ASRGL1: variants seen among roughly 807,000 people sequenced by gnomAD.
ASRGL1 encodes the protein isoaspartyl peptidase/L-asparaginase.
Under a neutral mutation model 22.4 loss-of-function variants are expected in ASRGL1, and 16 were observed. The observed-to-expected ratio is 0.71, with a 90% CI of 0.48 to 1.08. ASRGL1 has a LOEUF of 1.08. Ranked by LOEUF, ASRGL1 falls within the 50% of genes least tolerant of loss-of-function variation. The pLI, the probability that ASRGL1 is intolerant of heterozygous loss-of-function variation, is 0.00. For missense variants in ASRGL1, 412 were observed against 410.1 expected, an observed-to-expected ratio of 1.00 and a Z score of -0.04; for synonymous variants, 165 against 159.3, an observed-to-expected ratio of 1.04 and a Z score of -0.27.
intron 4 of ASRGL1, among the ~76,000 whole-genome samples, chr11:62,362,813 TACACAC>T (rs57501048): frequency 3.6e-4 from 30 of 83,850 alleles, no homozygotes; most frequent in East Asian, 1.4e-3. Flanking sequence ...TTATCTGACA[TACACAC>T]ACACACACAC....
intron 2 of ASRGL1, among the ~76,000 whole-genome samples, chr11:62,340,474 A>G (rs943087100): frequency 1.3e-5 from 2 of 152,126 alleles, no homozygotes; most frequent in Admixed American, 1.3e-4. Context: ...ACTTATTTAC[A>G]CAGGACCTTC....
intron 4 of ASRGL1, among the ~76,000 whole-genome samples, chr11:62,367,257 G>A (rs1333845291): frequency 6.6e-6 from 1 of 152,006 alleles, no homozygotes; most frequent in East Asian, 1.9e-4. Context: ...AGAATGGCAT[G>A]AACCCGGGAG....
intron 4 of ASRGL1, among the ~76,000 whole-genome samples, chr11:62,380,505 A>G (rs1308420004): frequency 6.6e-6 from 1 of 152,132 alleles, no homozygotes; most frequent in Non-Finnish European, 1.5e-5. Context: ...TAGTGCTCCA[A>G]TTTTGACCTT....
chr11:62,377,436 G>A (rs953886641), intron 4 of ASRGL1, among the ~76,000 whole-genome samples: 2 of 152,154 alleles, frequency 1.3e-5, no homozygotes, highest in African/African-American at 4.8e-5. Flanking sequence ...ACACTGTAAA[G>A]ACTGCAACCA....
At chr11:62,375,481 T>TATATATATATATATA (rs1565169625) in intron 4 of ASRGL1, among the ~76,000 whole-genome samples, 1 of 84,714 alleles carries the variant, frequency 1.2e-5, no homozygotes, top group Non-Finnish European at 2.7e-5. Flanking sequence ...TATATATATA[T>TATATATATATATATA]TTCTTGGAGT....
In ASRGL1 at chr11:62,392,145, G is replaced by T; in HGVS notation, c.788G>T (p.Gly263Val). 6.2e-7 allele frequency: 1 copy of T among 1,614,220 alleles called. No individual in the cohort carries two copies. Among genetic ancestry groups the T allele is most frequent in the Non-Finnish European group, 8.5e-7 (1 of 1,180,048 alleles). Reference protein sequence around the residue: ...GYMKSRVKGLGGLIVVSKTGD... With the variant: ...GYMKSRVKGLVGLIVVSKTGD... ...ATGAAGTCAAGGGTTAAAGGTTTAG[G>T]TGGCCTCATCGTGGTTAGCAAAACA... The change falls in exon 7 of 7, where the codon GGT becomes GTT. Residue 263 changes from glycine to valine, a missense_variant. Gly to Val is a moderately radical substitution (Grantham distance 109, BLOSUM62 -3). Transcript: ENST00000415229.
chr11:62,395,258 T>C (rs1947417880), downstream of ASRGL1, among the ~76,000 whole-genome samples: 1 of 152,046 alleles, frequency 6.6e-6, no homozygotes, highest in Non-Finnish European at 1.5e-5. Context: ...GGATGCCAGA[T>C]CCCACGGTGA....
chr11:62,362,583 A>AAATATATAATATATATTATATAT lies in ASRGL1; in HGVS notation c.491+5461_491+5462insTAATATATAATATATATTATATA, dbSNP rs1416419305. On this transcript the variant is annotated intron_variant, in intron 4 of 6. Coordinates refer to ENST00000415229, the MANE Select transcript of ASRGL1 (RefSeq NM_001083926.2). ...TTATTTATATAATATATATTATATA[A>AAATATATAATATATATTATATAT]AATATATAATATATATTATATAAAA... Among the ~76,000 whole-genome samples, 35 of 35,630 alleles carry AAATATATAATATATATTATATAT rather than the reference A, an allele frequency of 9.8e-4. 1 individual carries two copies. Among genetic ancestry groups the AAATATATAATATATATTATATAT allele is most frequent in the Non-Finnish European group, 1.3e-3 (26 of 20,540 alleles). The allele number at this position is 35,630 out of a possible 152,430, so 23.4% of individuals were successfully genotyped here.
chr11:62,346,024 A>G (rs1946011214), intron 2 of ASRGL1, among the ~76,000 whole-genome samples: 1 of 152,166 alleles, frequency 6.6e-6, no homozygotes. Flanking sequence ...GAAGAGTTGC[A>G]TAGGGTGAGG....
At chr11:62,350,704 G>C (rs1382608237) in intron 2 of ASRGL1, among the ~76,000 whole-genome samples, 1 of 152,164 alleles carries the variant, frequency 6.6e-6, no homozygotes, top group African/African-American at 2.4e-5. Flanking sequence ...GCTGAGGCAG[G>C]AGAATTGCTT....
chr11:62,392,351 C>T lies in ASRGL1; in HGVS notation c.*67C>T. The T allele has an allele frequency of 6.4e-7, 1 of 1,555,212 alleles. No individual in the cohort carries two copies. Among genetic ancestry groups the T allele is most frequent in the South Asian group, 1.1e-5 (1 of 89,282 alleles). ...AGTACAGTCTCCTCATGAGACATAG[C>T]CTAATCAATTAGATCTAGAATTGGA... is the stretch of plus-strand genomic sequence containing the variant. On this transcript the variant is annotated 3_prime_UTR_variant, in exon 7 of 7. Coordinates refer to ENST00000415229, the MANE Select transcript of ASRGL1 (RefSeq NM_001083926.2).
rs2134700634 is a variant in ASRGL1, at chr11:62,389,047, C to G, written c.492-86C>G. On this transcript the variant is annotated intron_variant, in intron 4 of 6. Transcript: ENST00000415229. The stretch of plus-strand genomic sequence containing the variant: ...TGCCCCATCAACATATAACATGAAA[C>G]TTTAAGTGGTTTTAAGGTACATTGT... The G allele has an allele frequency of 3.4e-6, 4 of 1,176,464 alleles. No individual in the cohort carries two copies. In the South Asian group the frequency reaches 5.6e-5, roughly 16 times the overall value. 72.9% of individuals were successfully genotyped at this position (1,176,464 alleles called of 1,614,324 possible). A position where few individuals can be genotyped will look rare whatever the true frequency, so the allele number is the denominator to read the frequency against.
chr11:62,389,267 G>A lies in ASRGL1; in HGVS notation c.610+16G>A, dbSNP rs755157675. 2 of 1,597,470 alleles carry A rather than the reference G, an allele frequency of 1.3e-6. No homozygotes were observed. The highest frequency in any genetic ancestry group is 2.7e-5 in the African/African-American group (2 of 74,536). On this transcript the variant is annotated intron_variant, in intron 5 of 6. Coordinates refer to ENST00000415229, the MANE Select transcript of ASRGL1 (RefSeq NM_001083926.2). ...CCGTGTCTAGGTAGGACCAAGGGAT[G>A]CCTCCTGCCCCTTCCCCTCTTCTCC...
At chr11:62,397,039 GT>G (rs928479971), downstream of ASRGL1, among the ~76,000 whole-genome samples, 6 of 151,816 alleles carry the variant, frequency 4.0e-5, no homozygotes, top group East Asian at 1.9e-4. Flanking sequence ...TTTTTTGTTT[GT>G]TTTTTTTGAG....
chr11:62,398,903 T>C, the ASRGL1 span, among the ~76,000 whole-genome samples: 1 of 152,242 alleles, frequency 6.6e-6, no homozygotes, highest in African/African-American at 2.4e-5. Context: ...GCGCAGTGAC[T>C]CATGCCTGTA....
chr11:62,349,511 G>A (rs991239722), intron 2 of ASRGL1, among the ~76,000 whole-genome samples: 8 of 152,090 alleles, frequency 5.3e-5, no homozygotes, highest in African/African-American at 1.7e-4. Context: ...AATTCCCCAC[G>A]GATACTGAGG....
Position 62,356,366 on chromosome 11 carries a change from G to A in ASRGL1, c.232G>A (p.Asp78Asn). The A allele has an allele frequency of 1.9e-6, 3 of 1,614,178 alleles. No homozygotes were observed. Among genetic ancestry groups the A allele is most frequent in the Non-Finnish European group, 2.5e-6 (3 of 1,179,980 alleles). ...VLNTNGEVEM[D>N]ASIMDGKDLS... ...GAACACAAATGGTGAGGTTGAAATGGATGCTAGTATCATGGATGGAAAAGA... is the reference window on the plus strand; with the variant it reads ...GAACACAAATGGTGAGGTTGAAATGAATGCTAGTATCATGGATGGAAAAGA... The change falls in exon 3 of 7, where the codon GAT (aspartate) becomes AAT (asparagine). Residue 78 changes from aspartate (D) to asparagine (N), a missense_variant. Transcript: ENST00000415229.
chr11:62,339,284 T>G (rs1010613093), intron 2 of ASRGL1, among the ~76,000 whole-genome samples: 2 of 152,192 alleles, frequency 1.3e-5, no homozygotes, highest in Non-Finnish European at 2.9e-5. Context: ...ATTTGGTATC[T>G]TATTGCTACA....
chr11:62,352,493 A>C (rs1203330740), intron 2 of ASRGL1, among the ~76,000 whole-genome samples: 1 of 152,186 alleles, frequency 6.6e-6, no homozygotes, highest in African/African-American at 2.4e-5. Flanking sequence ...CTGAGGCACA[A>C]GAATCACTTC....
Sources: gnomAD v4.1 joint callset for allele counts (sites outside exome capture counted in the v4.1 genomes callset) on GRCh38, gnomAD v4.1.1 for gene constraint, MANE v1.5 for transcripts, NCBI Gene and HGNC (gene_info 2026-07-23, HGNC 2026-07-21) for gene names.